The following PLXNA4 variants were observed in gnomAD, a reference collection of about 807,000 sequenced individuals.
PLXNA4 encodes plexin-A4.
PLXNA4 carries 44 observed loss-of-function variants against 191.8 expected under a neutral mutation model. That is an observed-to-expected ratio of 0.23 (90% CI 0.18 to 0.29). PLXNA4 has a LOEUF of 0.29. Among genes scored for constraint, PLXNA4 ranks in the 10% least tolerant of loss-of-function variants. PLXNA4 has a pLI of 1.00. For missense variants in PLXNA4, 1,800 were observed against 2,488.8 expected, an observed-to-expected ratio of 0.72 and a Z score of 5.89; for synonymous variants, 1,082 against 1,009.5, an observed-to-expected ratio of 1.07 and a Z score of -1.36.
At chr7:132,330,164 T>A (rs1315161471) in intron 3 of PLXNA4, among the ~76,000 whole-genome samples, 4 of 152,108 alleles carry the variant, frequency 2.6e-5, no homozygotes, top group Admixed American at 2.6e-4. Flanking sequence ...GCACAGCCAG[T>A]GCAGAGCCAC....
intron 25 of PLXNA4, among the ~76,000 whole-genome samples, chr7:132,152,302 G>T (rs1795669490): frequency 6.6e-6 from 1 of 152,136 alleles, no homozygotes; most frequent in Admixed American, 6.5e-5. Flanking sequence ...AGATCCCAAG[G>T]TCAGGTTGAG....
intron 3 of PLXNA4, among the ~76,000 whole-genome samples, chr7:132,413,576 T>C (rs10239141): frequency 0.28 from 43,274 of 152,054 alleles, 12,373 homozygotes; most frequent in African/African-American, 0.73. Context: ...CAAAACACAA[T>C]GGAAAACACA....
intron 3 of PLXNA4, among the ~76,000 whole-genome samples, chr7:132,466,796 C>A (rs1036861808): frequency 1.3e-5 from 2 of 152,176 alleles, no homozygotes; most frequent in Admixed American, 1.3e-4. Flanking sequence ...TTTCTAAGTT[C>A]TCCCCCTGTG....
At chr7:132,235,367 T>C (rs1798663810) in intron 5 of PLXNA4, among the ~76,000 whole-genome samples, 1 of 152,268 alleles carries the variant, frequency 6.6e-6, no homozygotes, top group African/African-American at 2.4e-5. Flanking sequence ...AGACAGGTCC[T>C]CAGTTGTAAC....
At chr7:132,276,427 C>G (rs181495220) in intron 4 of PLXNA4, among the ~76,000 whole-genome samples, 1 of 152,168 alleles carries the variant, frequency 6.6e-6, no homozygotes, top group Non-Finnish European at 1.5e-5. Context: ...TACTCCCACC[C>G]TTTTCTGCAA....
chr7:132,292,668 C>T (rs1307028245), intron 4 of PLXNA4, among the ~76,000 whole-genome samples: 1 of 152,194 alleles, frequency 6.6e-6, no homozygotes, highest in Non-Finnish European at 1.5e-5. Context: ...AGGTCTTCCT[C>T]TACCTGCTAG....
At chr7:132,181,855 G>T (rs1796718470) in intron 17 of PLXNA4, among the ~76,000 whole-genome samples, 1 of 152,204 alleles carries the variant, frequency 6.6e-6, no homozygotes, top group African/African-American at 2.4e-5. Flanking sequence ...GAATGCAAGA[G>T]TAAAGGTATA....
chr7:132,441,804 G>C (rs557112958), intron 3 of PLXNA4, among the ~76,000 whole-genome samples: 3 of 152,174 alleles, frequency 2.0e-5, no homozygotes, highest in African/African-American at 2.4e-5. Flanking sequence ...CTCACAAACA[G>C]TGATTTGCCC....
intron 3 of PLXNA4, among the ~76,000 whole-genome samples, chr7:132,336,975 T>C (rs1402077560): frequency 6.6e-6 from 1 of 152,184 alleles, no homozygotes; most frequent in Non-Finnish European, 1.5e-5. Flanking sequence ...TTCACTCCCA[T>C]CACACCCAGG....
At chr7:132,529,263 C>T (rs1799530303) in intron 1 of PLXNA4, among the ~76,000 whole-genome samples, 1 of 152,302 alleles carries the variant, frequency 6.6e-6, no homozygotes, top group South Asian at 2.1e-4. Flanking sequence ...TAGCAGAAAA[C>T]ACCTGCTACC....
At chr7:132,354,747 T>C (rs1803631638) in intron 3 of PLXNA4, among the ~76,000 whole-genome samples, 1 of 152,164 alleles carries the variant, frequency 6.6e-6, no homozygotes, top group South Asian at 2.1e-4. Flanking sequence ...AACCAGCACG[T>C]ACAGATGTGG....
intron 1 of PLXNA4, among the ~76,000 whole-genome samples, chr7:132,564,209 CCTT>C: frequency 7.5e-6 from 1 of 133,914 alleles, no homozygotes; most frequent in Non-Finnish European, 1.6e-5. Context: ...TTCTCCTCCT[CCTT>C]CTCCTTTCTC....
chr7:132,169,958 G>C (rs1181664777), intron 21 of PLXNA4, among the ~76,000 whole-genome samples: 1 of 152,124 alleles, frequency 6.6e-6, no homozygotes, highest in Non-Finnish European at 1.5e-5. Flanking sequence ...AGGAGGCAGG[G>C]AGTGGGAGGG....
At chr7:132,279,598 C>T (rs535480674) in intron 4 of PLXNA4, among the ~76,000 whole-genome samples, 7 of 151,914 alleles carry the variant, frequency 4.6e-5, no homozygotes, top group South Asian at 2.1e-4. Context: ...ATCATACCAT[C>T]GCACTCAGTC....
At chr7:132,337,406 G>C (rs1338004325) in intron 3 of PLXNA4, among the ~76,000 whole-genome samples, 1 of 152,178 alleles carries the variant, frequency 6.6e-6, no homozygotes, top group Admixed American at 6.5e-5. Flanking sequence ...GAAATACATG[G>C]CTAAAACAGC....
chr7:132,504,758 C>T (rs148607886), intron 2 of PLXNA4, among the ~76,000 whole-genome samples: 176 of 152,284 alleles, frequency 1.2e-3, no homozygotes, highest in African/African-American at 3.9e-3. Context: ...TGTCAGACTC[C>T]GTGACAAGAG....
At chr7:132,261,567 A>G (rs1208853368) in intron 4 of PLXNA4, among the ~76,000 whole-genome samples, 1 of 152,238 alleles carries the variant, frequency 6.6e-6, no homozygotes, top group Non-Finnish European at 1.5e-5. Context: ...CCACACCCCA[A>G]GGTATTTCCA....
chr7:132,294,432 G>C (rs556994903), intron 4 of PLXNA4, among the ~76,000 whole-genome samples: 1 of 152,214 alleles, frequency 6.6e-6, no homozygotes, highest in Non-Finnish European at 1.5e-5. Flanking sequence ...GGCCCTGTGG[G>C]TCTTCATAGG....
rs151206041 is a variant in PLXNA4 at position 132,421,359 on chromosome 7, A to G, written c.1371+67933T>C. 9.7e-3 allele frequency among the ~76,000 whole-genome samples: 1,470 copies of G among 152,306 alleles called. 15 individuals carry two copies. The highest frequency in any genetic ancestry group is 0.037 in the Middle Eastern group (11 of 294). Reference sequence around the variant, plus strand: ...CCTAGAATGTAAGAGGAGTTTTAACATATGACATTGACAACAAACTCTCTT... The same window carrying G: ...CCTAGAATGTAAGAGGAGTTTTAACGTATGACATTGACAACAAACTCTCTT... On this transcript the variant is annotated intron_variant, in intron 3 of 31. Transcript: ENST00000321063.
Sources: gnomAD v4.1 joint callset for allele counts (sites outside exome capture counted in the v4.1 genomes callset) on GRCh38, gnomAD v4.1.1 for gene constraint, MANE v1.5 for transcripts, NCBI Gene and HGNC (gene_info 2026-07-23, HGNC 2026-07-21) for gene names.